Variants in APBB2 observed in about 807,000 individuals in gnomAD.
The protein encoded by APBB2 is amyloid beta precursor protein binding family B member 2, also known as Fe65-like 1.
APBB2 carries 38 observed loss-of-function variants against 82.5 expected under a neutral mutation model. That is an observed-to-expected ratio of 0.46 (90% confidence interval 0.36 to 0.60). APBB2 has a LOEUF of 0.60. Ranked by LOEUF, APBB2 falls within the 20% of genes least tolerant of loss-of-function variation. The pLI, the probability that APBB2 is intolerant of heterozygous loss-of-function variation, is 0.00. For synonymous variants in APBB2, 341 were observed against 368.2 expected (o/e 0.93, Z 0.85); for missense variants, 772 against 972.3 (o/e 0.79, Z 2.74).
At chr4:40,938,835 A>G (rs1047960319) in intron 7 of APBB2, among the ~76,000 whole-genome samples, 1 of 152,216 alleles carries the variant, frequency 6.6e-6, no homozygotes, top group East Asian at 1.9e-4. Context: ...CAATGGTTTG[A>G]ATGTCTGTCC....
At position 40,895,675 on chromosome 4, in the gene APBB2, T is replaced by C. The variant is rs575964982; in HGVS notation, c.1255-2264A>G. Among the ~76,000 whole-genome samples, 30 of 152,352 alleles carry C rather than the reference T, an allele frequency of 2.0e-4. No homozygotes were observed. In the South Asian group the frequency reaches 5.4e-3, roughly 27 times the overall value. ...AGGCCCTGCTCTCCAGAAAGTGCTG[T>C]GCAGCCCACTAACCTCTCTCCCATG... On this transcript the variant is annotated intron_variant, in intron 10 of 17. Coordinates refer to ENST00000508593, the MANE Select transcript of APBB2 (RefSeq NM_004307.2).
intron 6 of APBB2, among the ~76,000 whole-genome samples, chr4:41,002,002 C>T (rs1194827536): frequency 6.6e-6 from 1 of 152,166 alleles, no homozygotes; most frequent in Non-Finnish European, 1.5e-5. Flanking sequence ...CTGACCATTC[C>T]ACATGGAATG....
At chr4:40,825,694 A>T in intron 15 of APBB2, 193 bp downstream of exon 15, 1 of 565,584 alleles carries the variant, frequency 1.8e-6, no homozygotes, top group Non-Finnish European at 3.2e-6. Flanking sequence ...GACAGGTCAA[A>T]GCAGCGGGGC....
chr4:40,841,960 G>A (rs1307770777), intron 12 of APBB2, among the ~76,000 whole-genome samples: 2 of 152,206 alleles, frequency 1.3e-5, no homozygotes, highest in East Asian at 1.9e-4. Flanking sequence ...GATTACAGGC[G>A]TGAGCCACCA....
intron 2 of APBB2, among the ~76,000 whole-genome samples, chr4:41,110,191 G>A (rs955120412): frequency 3.3e-5 from 5 of 152,226 alleles, no homozygotes; most frequent in Non-Finnish European, 5.9e-5. Flanking sequence ...AAGCCGGAAT[G>A]CAAGGCCCGT....
intron 6 of APBB2, among the ~76,000 whole-genome samples, chr4:40,952,793 T>C (rs1790564085): frequency 6.6e-6 from 1 of 152,210 alleles, no homozygotes; most frequent in South Asian, 2.1e-4. Flanking sequence ...TGGGATGTTA[T>C]AAAAGCTAGT....
In APBB2 at chr4:41,211,475, ATTTAT is replaced by A. The variant is rs751185136; in HGVS notation, c.-417+2925_-417+2929del. Among the ~76,000 whole-genome samples, 6 of 111,954 alleles carry A rather than the reference ATTTAT, an allele frequency of 5.4e-5. No homozygotes were observed. In the East Asian group the frequency reaches 7.6e-4, roughly 14 times the overall value. 73.4% of individuals were successfully genotyped at this position (111,954 alleles called of 152,430 possible). A position where few individuals can be genotyped will look rare whatever the true frequency, so the allele number is the denominator to read the frequency against. ...TGTTTTGTTATTTATTTACTTATTT[ATTTAT>A]TTTATTTATGTATTTATTTTGAGAC... On this transcript the variant is annotated intron_variant, in intron 1 of 17. Transcript: ENST00000508593.
intron 3 of APBB2, among the ~76,000 whole-genome samples, chr4:41,072,357 C>T (rs1427521789): frequency 1.3e-5 from 2 of 152,178 alleles, no homozygotes; most frequent in African/African-American, 4.8e-5. Flanking sequence ...AGGCAGATGG[C>T]GGCTAGGCTT....
chr4:40,857,276 C>G (rs1305268996), intron 12 of APBB2: 2 of 661,888 alleles, frequency 3.0e-6, no homozygotes, highest in Non-Finnish European at 3.7e-6. Context: ...GAAGTGCTCC[C>G]GCTAGGTGCT....
In APBB2 at chr4:40,989,121, C is replaced by T. The variant is rs530643353; in HGVS notation, c.835+24462G>A. On this transcript the variant is annotated intron_variant, in intron 6 of 17. Coordinates refer to ENST00000508593, the MANE Select transcript of APBB2 (RefSeq NM_004307.2). ...AAGTGGGTGAGAAACAAACTGATAA[C>T]CTAACTCCCTCTTCCACCTCACTTA... Among the ~76,000 whole-genome samples the T allele has an allele frequency of 2.0e-5, 3 of 152,240 alleles. No individual in the cohort carries two copies. The East Asian group carries it at 5.8e-4, about 29-fold the overall frequency.
At chr4:41,122,864 C>A (rs1753272120) in intron 2 of APBB2, among the ~76,000 whole-genome samples, 1 of 152,164 alleles carries the variant, frequency 6.6e-6, no homozygotes, top group Non-Finnish European at 1.5e-5. Flanking sequence ...CCCTCCGAAA[C>A]CTGTCCCTCG....
In APBB2 at chr4:41,083,269, C is replaced by T. The variant is rs545593647; in HGVS notation, c.-149+17370G>A. 7.2e-5 allele frequency among the ~76,000 whole-genome samples: 11 copies of T among 152,130 alleles called. No homozygotes were observed. The South Asian group carries it at 1.5e-3, about 20-fold the overall frequency. On this transcript the variant is annotated intron_variant, in intron 3 of 17. Coordinates refer to ENST00000508593, the MANE Select transcript of APBB2 (RefSeq NM_004307.2). ...GACCAAAGTAGTATGTATGCTATAG[C>T]TACAAACAGATAAAAATATGTACAC...
At position 41,014,359 on chromosome 4, in the gene APBB2, C is replaced by A; in HGVS notation, c.59G>T (p.Ser20Ile). ...ATTTGTGACGTCTGTAGTTCCGCTG[C>A]TGGCCATAAACACTGCCAAGGTGTC... ...GVDTLAVFMASSGTTDVTNRN... is the reference protein window; with the variant it reads ...GVDTLAVFMAISGTTDVTNRN... Residue 20 changes from serine to isoleucine, a missense_variant, in exon 6 of 18, where the codon AGC (serine) becomes ATC (isoleucine). Ser to Ile is a moderately radical substitution (Grantham distance 142). Coordinates refer to ENST00000508593, the MANE Select transcript of APBB2 (RefSeq NM_004307.2). The A allele has an allele frequency of 6.2e-7, 1 of 1,614,066 alleles. No homozygotes were observed. The highest frequency in any genetic ancestry group is 1.3e-5 in the African/African-American group (1 of 74,980).
In APBB2 at chr4:40,946,210, C is replaced by T. The variant is rs183209889; in HGVS notation, c.836-1137G>A. 2.1e-3 allele frequency among the ~76,000 whole-genome samples: 250 copies of T among 119,404 alleles called. 2 individuals are homozygous for T. Among genetic ancestry groups the T allele is most frequent in the East Asian group, 7.4e-3 (29 of 3,902 alleles). The allele number at this position is 119,404 out of a possible 152,430, so 78.3% of individuals were successfully genotyped here. On this transcript the variant is annotated intron_variant, in intron 6 of 17. Transcript: ENST00000508593. ...TCACACCGTTGCGCTCCAGCCTGGG[C>T]GACAGAGTGAGACTCTATCTCCAAA...
chr4:40,978,997 C>CA (rs1357781940), intron 6 of APBB2, among the ~76,000 whole-genome samples: 22 of 152,022 alleles, frequency 1.4e-4, no homozygotes, highest in African/African-American at 5.3e-4. Context: ...ATACTGGAGC[C>CA]AAAGGATTCT....
intron 1 of APBB2, among the ~76,000 whole-genome samples, chr4:41,169,378 G>A (rs946543052): frequency 5.9e-5 from 9 of 152,024 alleles, no homozygotes; most frequent in African/African-American, 1.5e-4. Context: ...ACTCAAAGAC[G>A]CAAAATCAGA....
chr4:41,165,676 C>T (rs1000976737), intron 1 of APBB2, among the ~76,000 whole-genome samples: 1 of 152,076 alleles, frequency 6.6e-6, no homozygotes, highest in African/African-American at 2.4e-5. Context: ...CAATTTATAA[C>T]CCAAGGTATG....
chr4:41,146,323 CAAAAAAA>C (rs35546477), intron 1 of APBB2, among the ~76,000 whole-genome samples: 2 of 58,354 alleles, frequency 3.4e-5, no homozygotes, highest in African/African-American at 7.1e-5. Context: ...AAGACTGTCT[CAAAAAAA>C]AAAAAAAAAA....
chr4:40,925,603 C>T (rs575647365), intron 10 of APBB2, among the ~76,000 whole-genome samples: 1 of 152,322 alleles, frequency 6.6e-6, no homozygotes, highest in African/African-American at 2.4e-5. Context: ...CAAACTTCCA[C>T]ACAGATCAGG....
Sources: allele counts gnomAD v4.1 joint callset (sites outside exome capture counted in the v4.1 genomes callset), GRCh38; gene constraint gnomAD v4.1.1; transcripts MANE v1.5; gene names NCBI Gene and HGNC (gene_info 2026-07-23, HGNC 2026-07-21).